Variants in PABIR3 observed in about 807,000 individuals in gnomAD.
The protein encoded by PABIR3 is PABIR family member 3, also known as PABIR family member 1.
PABIR3 carries 20 observed loss-of-function variants against 23.1 expected under a neutral mutation model. The observed-to-expected ratio is 0.86, with a 90% CI of 0.61 to 1.26. The LOEUF is 1.26. Ranked by LOEUF, PABIR3 falls within the 50% of genes most tolerant of loss-of-function variation. PABIR3 has a pLI of 0.00. For synonymous variants in PABIR3, 69 were observed against 68.5 expected, an observed-to-expected ratio of 1.01 and a Z score of -0.04; for missense variants, 189 against 195.4, an observed-to-expected ratio of 0.97 and a Z score of 0.20.
chrX:134,804,061 A>C (rs1446310382), upstream of PABIR3: 2 of 392,671 alleles, frequency 5.1e-6, no homozygotes, highest in African/African-American at 5.1e-5. Context: ...TGGTAAAATA[A>C]AGAGCTGATT....
intron 1 of PABIR3, among the ~76,000 whole-genome samples, chrX:134,798,529 G>T (rs1350514712): frequency 8.9e-6 from 1 of 111,746 alleles, no homozygotes; most frequent in Non-Finnish European, 1.9e-5. Flanking sequence ...TTATTCTCAG[G>T]ACTCCACATC....
chrX:134,804,614 A>T (rs1403255567), upstream of PABIR3, among the ~76,000 whole-genome samples: 1 of 112,451 alleles, frequency 8.9e-6, no homozygotes, highest in Non-Finnish European at 1.9e-5. Context: ...TAAAAATTAG[A>T]TACTTGTAAT....
upstream of PABIR3, among the ~76,000 whole-genome samples, chrX:134,802,923 G>T (rs935857580): frequency 8.9e-6 from 1 of 112,531 alleles, no homozygotes; most frequent in East Asian, 2.8e-4. Context: ...GGACCTTCTG[G>T]TTCCCTGGGG....
downstream of PABIR3, among the ~76,000 whole-genome samples, chrX:134,855,142 A>T (rs1331175389): frequency 9.0e-6 from 1 of 110,903 alleles, no homozygotes; most frequent in Admixed American, 9.6e-5. Flanking sequence ...GTGTTAAAAA[A>T]TTTAAATTTA....
At chrX:134,815,134 T>G (rs1411089149) in intron 3 of PABIR3, among the ~76,000 whole-genome samples, 1 of 111,586 alleles carries the variant, frequency 9.0e-6, no homozygotes, top group Non-Finnish European at 1.9e-5. Context: ...AATTAATTTT[T>G]AAATCCCATA....
At chrX:134,811,438 G>C (rs2080659424) in intron 2 of PABIR3, among the ~76,000 whole-genome samples, 1 of 107,615 alleles carries the variant, frequency 9.3e-6, no homozygotes, top group Non-Finnish European at 1.9e-5. Context: ...CTTGAGGCTG[G>C]AGTGCAGTGG....
intron 4 of PABIR3, among the ~76,000 whole-genome samples, chrX:134,833,777 C>A (rs745692280): frequency 9.0e-6 from 1 of 111,024 alleles, no homozygotes; most frequent in South Asian, 3.8e-4. Flanking sequence ...GTTTGGTTTT[C>A]CGTTCCTGTG....
chrX:134,853,651 GCT>G (rs1358064736), intron 10 of PABIR3, among the ~76,000 whole-genome samples: 1 of 105,468 alleles, frequency 9.5e-6, no homozygotes, highest in Non-Finnish European at 1.9e-5. Context: ...ACGGAGTCTC[GCT>G]CTGTCTCCCA....
chrX:134,803,435 G>T (rs773003234), upstream of PABIR3, among the ~76,000 whole-genome samples: 4 of 112,623 alleles, frequency 3.6e-5, no homozygotes, highest in Non-Finnish European at 7.5e-5. Flanking sequence ...GCATTGAAAT[G>T]TAATAGTTCT....
At chrX:134,850,090 T>C (rs781481578) in intron 9 of PABIR3, among the ~76,000 whole-genome samples, 37 of 108,113 alleles carry the variant, frequency 3.4e-4, no homozygotes, top group Non-Finnish European at 6.3e-4. Flanking sequence ...GGCCAGGCTG[T>C]TCTCGAACTC....
At chrX:134,835,453 G>A (rs191960558) in intron 4 of PABIR3, 4 of 111,162 alleles carry the variant, frequency 3.6e-5, no homozygotes, top group African/African-American at 1.3e-4. Context: ...GTCAATGTTA[G>A]GTTCTGGGCC....
intron 6 of PABIR3, among the ~76,000 whole-genome samples, chrX:134,846,939 A>G (rs1033120905): frequency 8.9e-6 from 1 of 112,273 alleles, no homozygotes; most frequent in Non-Finnish European, 1.9e-5. Flanking sequence ...GATTTTGTCT[A>G]TGTAAAATCT....
intron 1 of PABIR3, chrX:134,800,047 C>T (rs1405228597): frequency 9.1e-6 from 1 of 109,303 alleles, no homozygotes; most frequent in Non-Finnish European, 1.9e-5. Flanking sequence ...AATTCCAGCA[C>T]TTTGGGAGGC....
chrX:134,818,277 T>C (rs935299661), intron 3 of PABIR3, among the ~76,000 whole-genome samples: 11 of 111,772 alleles, frequency 9.8e-5, no homozygotes, highest in African/African-American at 3.6e-4. Flanking sequence ...TTGGGAATCA[T>C]TGGTAGATTG....
rs1167280679 is a variant in PABIR3, at chrX:134,827,101, C to T, written c.190-2125C>T. ...TCAGCCTCCTGAGTAGCTGGGGTTA[C>T]AGGCACCCGCCACCATGCCTGGCTA... On this transcript the variant is annotated intron_variant, in intron 3 of 10. Transcript: ENST00000645433. Among the ~76,000 whole-genome samples, 4 of 111,245 alleles carry T rather than the reference C, an allele frequency of 3.6e-5. No individual in the cohort carries two copies. In the East Asian group the frequency reaches 8.5e-4, roughly 24 times the overall value.
chrX:134,828,047 C>CTCTCTCTCTA (rs1466733144), intron 3 of PABIR3, among the ~76,000 whole-genome samples: 14 of 49,407 alleles, frequency 2.8e-4, no homozygotes, highest in Admixed American at 7.2e-4. Context: ...CTCTCTCTCT[C>CTCTCTCTCTA]TATATATATA....
At chrX:134,860,801 C>T in the PABIR3 span, among the ~76,000 whole-genome samples, 9 of 111,383 alleles carry the variant, frequency 8.1e-5, no homozygotes, top group Non-Finnish European at 1.7e-4. Context: ...GCATGAAGCA[C>T]GAAACATTAT....
chrX:134,832,788 C>G (rs2081850830), intron 4 of PABIR3, among the ~76,000 whole-genome samples: 1 of 111,691 alleles, frequency 9.0e-6, no homozygotes, highest in Non-Finnish European at 1.9e-5. Flanking sequence ...TTGATGAACA[C>G]TTAGGCTGCT....
At chrX:134,821,050 G>GTA (rs755124334) in intron 3 of PABIR3, among the ~76,000 whole-genome samples, 149 of 97,341 alleles carry the variant, frequency 1.5e-3, no homozygotes, top group African/African-American at 4.5e-3. Context: ...ACATATATAT[G>GTA]TATATATATA....
Sources: gnomAD v4.1 joint callset for allele counts (sites outside exome capture counted in the v4.1 genomes callset) on GRCh38, gnomAD v4.1.1 for gene constraint, MANE v1.5 for transcripts, NCBI Gene and HGNC (gene_info 2026-07-23, HGNC 2026-07-21) for gene names.